The following PARD3 variants were observed in gnomAD, a reference collection of about 807,000 sequenced individuals.
PARD3 encodes partitioning defective 3 homolog.
PARD3 carries 75 observed loss-of-function variants against 155.4 expected under a neutral mutation model. That is an observed-to-expected ratio of 0.48 (90% CI 0.40 to 0.58). PARD3 has a LOEUF of 0.58. Ranked by LOEUF, PARD3 falls within the 20% of genes least tolerant of loss-of-function variation. The probability of loss-of-function intolerance (pLI) is 0.00; values close to 1 mark genes in which losing one functional copy is unlikely to be tolerated. For missense variants in PARD3, 1,642 were observed against 1,721.7 expected (o/e 0.95, Z 0.82); for synonymous variants, 576 against 610.5 (o/e 0.94, Z 0.83).
At chr10:34,666,816 T>TATATATATATATATATACAC (rs765552982) in intron 2 of PARD3, among the ~76,000 whole-genome samples, 55 of 88,762 alleles carry the variant, frequency 6.2e-4, no homozygotes, top group African/African-American at 2.3e-3. Context: ...TATATATATA[T>TATATATATATATATATACAC]ACACACACAC....
chr10:34,704,365 G>C lies in PARD3; in HGVS notation c.121-7946C>G, dbSNP rs188324080. ...AAGTAGCTTTAATAATAAAAATAAT[G>C]TGAACCTAGAATATTTAATCAAATT... On this transcript the variant is annotated intron_variant, in intron 1 of 24. Coordinates refer to ENST00000374788, the MANE Select transcript of PARD3 (RefSeq NM_001184785.2). Among the ~76,000 whole-genome samples the C allele has an allele frequency of 3.0e-3, 452 of 152,280 alleles. 1 individual carries two copies. Among genetic ancestry groups the C allele is most frequent in the African/African-American group, 0.01 (432 of 41,564 alleles).
At chr10:34,445,457 A>T (rs1442908298) in intron 5 of PARD3, among the ~76,000 whole-genome samples, 4 of 152,166 alleles carry the variant, frequency 2.6e-5, no homozygotes, top group Non-Finnish European at 4.4e-5. Context: ...ATCAAATTTC[A>T]GGAATGGAAC....
At chr10:34,810,269 T>C (rs992540971) in intron 1 of PARD3, among the ~76,000 whole-genome samples, 21 of 152,336 alleles carry the variant, frequency 1.4e-4, no homozygotes, top group South Asian at 4.1e-4. Flanking sequence ...TCAGGCTATG[T>C]GTATAAGGTA....
chr10:34,504,715 A>T (rs2080945554), intron 3 of PARD3, among the ~76,000 whole-genome samples: 2 of 152,218 alleles, frequency 1.3e-5, no homozygotes, highest in Non-Finnish European at 2.9e-5. Flanking sequence ...TCACTGAAAA[A>T]GAAAGGAGTC....
intron 2 of PARD3, among the ~76,000 whole-genome samples, chr10:34,554,985 T>G (rs2084873700): frequency 6.6e-6 from 1 of 152,202 alleles, no homozygotes; most frequent in African/African-American, 2.4e-5. Flanking sequence ...GAGGGATGAA[T>G]GCACAGAACA....
At chr10:34,264,907 G>T (rs1222248639) in intron 22 of PARD3, among the ~76,000 whole-genome samples, 2 of 152,030 alleles carry the variant, frequency 1.3e-5, no homozygotes, top group African/African-American at 4.8e-5. Context: ...ATGTCACCAC[G>T]CCTGGCTAAT....
At chr10:34,626,670 T>G (rs1182369524) in intron 2 of PARD3, among the ~76,000 whole-genome samples, 1 of 152,338 alleles carries the variant, frequency 6.6e-6, no homozygotes, top group South Asian at 2.1e-4. Context: ...CATATTTGGA[T>G]GCAAACATCT....
At chr10:34,490,514 T>C (rs949926024) in intron 3 of PARD3, among the ~76,000 whole-genome samples, 1 of 152,178 alleles carries the variant, frequency 6.6e-6, no homozygotes, top group African/African-American at 2.4e-5. Context: ...CCTTAATCTA[T>C]ACATTCACAA....
intron 5 of PARD3, among the ~76,000 whole-genome samples, chr10:34,416,466 G>A (rs751354314): frequency 1.2e-4 from 18 of 152,236 alleles, no homozygotes; most frequent in Non-Finnish European, 2.2e-4. Context: ...GTCAGAAGAA[G>A]GCAGCCTGCA....
chr10:34,218,644 T>C (rs1306426566), intron 22 of PARD3, among the ~76,000 whole-genome samples: 1 of 152,112 alleles, frequency 6.6e-6, no homozygotes, highest in Non-Finnish European at 1.5e-5. Context: ...TTCAAATTTA[T>C]TTTAAAGAAG....
intron 1 of PARD3, among the ~76,000 whole-genome samples, chr10:34,808,383 T>C (rs1484945329): frequency 6.6e-6 from 1 of 152,182 alleles, no homozygotes; most frequent in Non-Finnish European, 1.5e-5. Context: ...GTCATCTTTC[T>C]ACTTTATTCA....
At chr10:34,505,000 C>T (rs1564788547) in intron 3 of PARD3, among the ~76,000 whole-genome samples, 1 of 152,008 alleles carries the variant, frequency 6.6e-6, no homozygotes, top group Non-Finnish European at 1.5e-5. Context: ...AACAGAAAAA[C>T]GAACCCAAGT....
intron 23 of PARD3, among the ~76,000 whole-genome samples, chr10:34,129,002 C>CT (rs1947446573): frequency 6.6e-6 from 1 of 152,220 alleles, no homozygotes; most frequent in Non-Finnish European, 1.5e-5. Flanking sequence ...GTGGACCACA[C>CT]TTTGAGAAGC....
intron 1 of PARD3, among the ~76,000 whole-genome samples, chr10:34,783,196 G>A (rs1339129199): frequency 2.6e-5 from 4 of 152,068 alleles, no homozygotes; most frequent in African/African-American, 9.7e-5. Context: ...TCTAGAAACT[G>A]GGTTTCTAAA....
rs368865129 is a variant in PARD3 at position 34,236,214 on chromosome 10, T to G, written c.3419+33443A>C. On this transcript the variant is annotated intron_variant, in intron 22 of 24. Coordinates refer to ENST00000374788, the MANE Select transcript of PARD3 (RefSeq NM_001184785.2). ...GAGAGATGATGACTAAATTTCACAA[T>G]CTACACAGCCTACTGTCTGTCCAGT... Among the ~76,000 whole-genome samples, 7 of 152,302 alleles carry G rather than the reference T, an allele frequency of 4.6e-5. No individual in the cohort carries two copies. In the East Asian group the frequency reaches 9.6e-4, roughly 21 times the overall value.
chr10:34,580,520 C>A (rs776826419), intron 2 of PARD3, among the ~76,000 whole-genome samples: 3 of 152,050 alleles, frequency 2.0e-5, no homozygotes, highest in African/African-American at 4.8e-5. Flanking sequence ...GGTGACAGAG[C>A]GAGATCCTGT....
intron 21 of PARD3, among the ~76,000 whole-genome samples, chr10:34,272,315 C>G (rs147012972): frequency 1.8e-3 from 281 of 152,136 alleles, no homozygotes; most frequent in African/African-American, 6.3e-3. Flanking sequence ...CATTGAACAT[C>G]ATCAAAATAA....
At chr10:34,129,700 C>CTTTTT (rs1209547388) in intron 23 of PARD3, among the ~76,000 whole-genome samples, 12 of 82,982 alleles carry the variant, frequency 1.4e-4, no homozygotes, top group Non-Finnish European at 1.5e-4. Context: ...TGTCAAGCCT[C>CTTTTT]TTTTTTTTTT....
intron 1 of PARD3, among the ~76,000 whole-genome samples, chr10:34,794,793 T>G (rs1277336636): frequency 6.6e-6 from 1 of 152,248 alleles, no homozygotes; most frequent in Non-Finnish European, 1.5e-5. Flanking sequence ...GACATACATT[T>G]TATTGCCCTT....
Sources: allele counts gnomAD v4.1 joint callset (sites outside exome capture counted in the v4.1 genomes callset), GRCh38; gene constraint gnomAD v4.1.1; transcripts MANE v1.5; gene names NCBI Gene and HGNC (gene_info 2026-07-23, HGNC 2026-07-21).